ZNF469: variants seen among roughly 807,000 people sequenced by gnomAD.
ZNF469 encodes zinc finger protein 469.
A neutral mutation model predicts 1.0 loss-of-function variants in ZNF469; 1 was observed. The observed-to-expected ratio is 1.00, with a 90% CI of 0.35 to 4.73. ZNF469 has a LOEUF of 4.73. ZNF469 is among the 30% of genes most tolerant of loss of function. The pLI, the probability that ZNF469 is intolerant of heterozygous loss-of-function variation, is 0.16. For missense variants in ZNF469, 6,100 were observed against 5,356.3 expected (o/e 1.14, Z -4.33); for synonymous variants, 2,703 against 2,363.4 (o/e 1.14, Z -4.17).
chr16:88,392,643 C>T (rs1170912813), intron 1 of ZNF469, among the ~76,000 whole-genome samples: 1 of 152,196 alleles, frequency 6.6e-6, no homozygotes, highest in Non-Finnish European at 1.5e-5. Context: ...CCTTGTAAAG[C>T]CTCATCTCTT....
chr16:88,140,595 G>T, the ZNF469 span, among the ~76,000 whole-genome samples: 2 of 152,232 alleles, frequency 1.3e-5, no homozygotes, highest in African/African-American at 4.8e-5. Context: ...CTCTAAAACT[G>T]TGTTAATCCA....
the ZNF469 span, among the ~76,000 whole-genome samples, chr16:88,149,373 G>A: frequency 1.3e-5 from 2 of 152,120 alleles, no homozygotes; most frequent in African/African-American, 2.4e-5. Context: ...GACCAAAGCC[G>A]TCCAGCCGCC....
At chr16:88,113,574 C>T in the ZNF469 span, among the ~76,000 whole-genome samples, 1 of 152,192 alleles carries the variant, frequency 6.6e-6, no homozygotes, top group Non-Finnish European at 1.5e-5. Flanking sequence ...AGTTTACCTC[C>T]AGCCCTGGGG....
rs1192835919 is a variant in ZNF469 at position 88,435,028 on chromosome 16, G to T, written c.7558G>T (p.Ala2520Ser). Residue 2520 changes from alanine to serine, a missense_variant, in exon 3 of 3, where the codon GCC (alanine) becomes TCC (serine). Ala to Ser is a moderately conservative substitution (Grantham distance 99). Transcript: ENST00000565624. ...TGCTCAGCAGCCTCTAGAGCCCCTA[G>T]CCCAAAAGTGCCAGCCGCCCAGGAA... is the stretch of plus-strand genomic sequence containing the variant. ...LPAQQPLEPL[A>S]QKCQPPRKKS... is the part of the protein sequence containing the mutation. The T allele has an allele frequency of 6.5e-7, 1 of 1,549,972 alleles. No homozygotes were observed. The highest frequency in any genetic ancestry group is 2.0e-5 in the Admixed American group (1 of 51,008).
Position 88,433,631 on chromosome 16 carries a change from C to G in ZNF469, c.6161C>G (p.Pro2054Arg), listed in dbSNP as rs1906357040. The G allele has an allele frequency of 1.3e-6, 2 of 1,550,160 alleles. No homozygotes were observed. Among genetic ancestry groups the G allele is most frequent in the Non-Finnish European group, 1.7e-6 (2 of 1,146,940 alleles). ...ATGAGCCTTCAGGAGGAGGCCGAGC[C>G]CACCCCAAGCCCCCCGTCCCCTAAT... The part of the protein sequence containing the change: ...AAMSLQEEAE[P>R]TPSPPSPNRE... The change falls in exon 3 of 3, where the codon CCC (proline) becomes CGC (arginine). Residue 2054 changes from proline (P) to arginine (R), a missense_variant. By Grantham distance (103) the Pro-to-Arg change is moderately radical (BLOSUM62 -2). Transcript: ENST00000565624.
At chr16:88,188,131 C>T in the ZNF469 span, among the ~76,000 whole-genome samples, 582 of 150,576 alleles carry the variant, frequency 3.9e-3, 2 homozygotes, top group African/African-American at 0.013. Context: ...TGCCTCTGCC[C>T]GTGCCGTGAC....
At chr16:88,411,753 C>T (rs1051600122) in intron 1 of ZNF469, among the ~76,000 whole-genome samples, 3 of 152,154 alleles carry the variant, frequency 2.0e-5, no homozygotes, top group South Asian at 2.1e-4. Flanking sequence ...GTGTCCATGG[C>T]GAGTGTCTCA....
In ZNF469 at chr16:88,439,469, G is replaced by A; in HGVS notation, c.*137G>A. On this transcript the variant is annotated 3_prime_UTR_variant, in exon 3 of 3. Coordinates refer to ENST00000565624, the MANE Select transcript of ZNF469 (RefSeq NM_001367624.2). ...TGCAACTGCTCAGGCCTTGATGTCA[G>A]AGCTGAGGTGGTGATGCTTTGAACA... 2 of 959,338 alleles carry A rather than the reference G, an allele frequency of 2.1e-6. No individual in the cohort carries two copies. The highest frequency in any genetic ancestry group is 3.2e-6 in the Non-Finnish European group (2 of 628,588). 59.4% of individuals were successfully genotyped at this position (959,338 alleles called of 1,614,324 possible).
the ZNF469 span, among the ~76,000 whole-genome samples, chr16:88,125,263 A>G: frequency 2.6e-5 from 4 of 152,238 alleles, no homozygotes; most frequent in Non-Finnish European, 5.9e-5. Context: ...GTGGTTTTAT[A>G]CTATATCTTA....
At chr16:88,140,944 C>A in the ZNF469 span, among the ~76,000 whole-genome samples, 2 of 152,048 alleles carry the variant, frequency 1.3e-5, no homozygotes, top group East Asian at 3.9e-4. Flanking sequence ...AAAAAACAAA[C>A]AAACAAAAAA....
At chr16:88,253,682 C>T in the ZNF469 span, among the ~76,000 whole-genome samples, 6 of 151,468 alleles carry the variant, frequency 4.0e-5, no homozygotes, top group Admixed American at 1.3e-4. Context: ...GGATCACAGG[C>T]GCCAGCCACC....
Position 88,434,837 on chromosome 16 carries a change from C to T in ZNF469, c.7367C>T (p.Ala2456Val). ...QRSRGYKKKPASTENGQWKGQ... is the reference protein window; with the variant it reads ...QRSRGYKKKPVSTENGQWKGQ... ...TCCCGTGGCTATAAAAAGAAGCCTGCATCTACAGAGAACGGCCAGTGGAAG... is the reference window on the plus strand; with the variant it reads ...TCCCGTGGCTATAAAAAGAAGCCTGTATCTACAGAGAACGGCCAGTGGAAG... Residue 2456 changes from alanine to valine, a missense_variant, in exon 3 of 3, where the codon GCA becomes GTA. Coordinates refer to ENST00000565624, the MANE Select transcript of ZNF469 (RefSeq NM_001367624.2). 2 of 1,550,384 alleles carry T rather than the reference C, an allele frequency of 1.3e-6. No homozygotes were observed. Among genetic ancestry groups the T allele is most frequent in the Non-Finnish European group, 8.7e-7 (1 of 1,146,990 alleles).
At chr16:88,241,193 C>T in the ZNF469 span, among the ~76,000 whole-genome samples, 1 of 152,096 alleles carries the variant, frequency 6.6e-6, no homozygotes, top group Non-Finnish European at 1.5e-5. The surrounding 1 kb of genome is among the most constrained non-coding windows in gnomAD (Gnocchi z 4.8). Flanking sequence ...CATGACAAAA[C>T]CCTGTCTCTA....
the ZNF469 span, among the ~76,000 whole-genome samples, chr16:88,343,931 C>A: frequency 6.6e-6 from 1 of 152,078 alleles, no homozygotes; most frequent in Non-Finnish European, 1.5e-5. Context: ...ACAAACACGA[C>A]CTCGGCCAGG....
the ZNF469 span, among the ~76,000 whole-genome samples, chr16:88,112,992 A>C: frequency 1.4e-4 from 21 of 151,640 alleles, no homozygotes; most frequent in East Asian, 3.9e-3. Flanking sequence ...GTTAGCCAGG[A>C]TGGTCTCGAT....
At chr16:88,197,373 C>T in the ZNF469 span, among the ~76,000 whole-genome samples, 2 of 152,172 alleles carry the variant, frequency 1.3e-5, no homozygotes, top group Non-Finnish European at 2.9e-5. Context: ...TGCTAAGTCC[C>T]CCACTAGTCT....
At chr16:88,365,913 C>T in the ZNF469 span, among the ~76,000 whole-genome samples, 1 of 152,178 alleles carries the variant, frequency 6.6e-6, no homozygotes, top group East Asian at 1.9e-4. Flanking sequence ...AAAGCCTCCT[C>T]TACCTCTTCC....
the ZNF469 span, among the ~76,000 whole-genome samples, chr16:88,223,948 C>CAT: frequency 6.6e-6 from 1 of 152,214 alleles, no homozygotes; most frequent in African/African-American, 2.4e-5. Flanking sequence ...GCCGAATGAA[C>CAT]GAGCGGAGGA....
In ZNF469 at chr16:88,429,765, G is replaced by A; in HGVS notation, c.2295G>A (p.Gln765=). 1 of 1,544,754 alleles carries A rather than the reference G, an allele frequency of 6.5e-7. No homozygotes were observed. Among genetic ancestry groups the A allele is most frequent in the South Asian group, 1.2e-5 (1 of 83,982 alleles). The part of the protein sequence containing the change: ...LLLARAKDGH[Q]RSPGPPGLPS... ...TGGCCAGGGCCAAGGATGGCCACCA[G>A]CGGTCTCCAGGCCCCCCTGGGCTCC... The change falls in exon 3 of 3, where the codon CAG becomes CAA. Residue 765 remains glutamine (Q), a synonymous_variant. Coordinates refer to ENST00000565624, the MANE Select transcript of ZNF469 (RefSeq NM_001367624.2).
Sources: allele counts gnomAD v4.1 joint callset (sites outside exome capture counted in the v4.1 genomes callset), GRCh38; gene constraint gnomAD v4.1.1; non-coding constraint Gnocchi (gnomAD v3.1); transcripts MANE v1.5; gene names NCBI Gene and HGNC (gene_info 2026-07-23, HGNC 2026-07-21).